Variants in SGIP1 observed in about 807,000 individuals in gnomAD.
SGIP1 encodes the protein SH3GL interacting endocytic adaptor 1.
SGIP1 carries 38 observed loss-of-function variants against 107.5 expected under a neutral mutation model. That is an observed-to-expected ratio of 0.35 (90% confidence interval 0.27 to 0.46). SGIP1 has a LOEUF of 0.46. SGIP1 is among the 20% of genes least tolerant of loss of function. The pLI is 1.00. For synonymous variants in SGIP1, 365 were observed against 366.1 expected (o/e 1.00, Z 0.03); for missense variants, 929 against 1,019.5 (o/e 0.91, Z 1.21).
At chr1:66,663,156 T>C (rs2081884084) in intron 8 of SGIP1, among the ~76,000 whole-genome samples, 1 of 152,110 alleles carries the variant, frequency 6.6e-6, no homozygotes, top group Non-Finnish European at 1.5e-5. Context: ...TGGGGTGCAC[T>C]GAACAGTGGC....
intron 17 of SGIP1, among the ~76,000 whole-genome samples, chr1:66,693,284 A>AAATAAATAAATG (rs1479297873): frequency 0.013 from 1,952 of 151,374 alleles, 37 homozygotes; most frequent in African/African-American, 0.044. Flanking sequence ...ATAAATAAAT[A>AAATAAATAAATG]AAAAACAGTA....
chr1:66,688,575 A>G (rs1186077953), intron 15 of SGIP1, among the ~76,000 whole-genome samples: 1 of 152,266 alleles, frequency 6.6e-6, no homozygotes, highest in African/African-American at 2.4e-5. Context: ...GTATTCATGC[A>G]ACATCTAATC....
chr1:66,707,191 G>A (rs900001201), intron 18 of SGIP1, among the ~76,000 whole-genome samples: 6 of 151,984 alleles, frequency 3.9e-5, no homozygotes, highest in African/African-American at 1.2e-4. Context: ...ACAACTTTTT[G>A]GGCACGAAAT....
At chr1:66,642,169 C>G (rs146845271) in intron 5 of SGIP1, among the ~76,000 whole-genome samples, 1 of 152,152 alleles carries the variant, frequency 6.6e-6, no homozygotes, top group Non-Finnish European at 1.5e-5. Flanking sequence ...TGTTGGCCTC[C>G]GTAGTCTCAT....
chr1:66,660,361 A>G (rs1480475396), intron 7 of SGIP1, 152 bp from the exon 8 acceptor site: 2 of 710,114 alleles, frequency 2.8e-6, no homozygotes, highest in East Asian at 2.7e-5. Context: ...GAATGACCAT[A>G]TCAGACCCCC....
chr1:66,725,964 A>C (rs1225345082), intron 19 of SGIP1, among the ~76,000 whole-genome samples: 1 of 152,238 alleles, frequency 6.6e-6, no homozygotes, highest in African/African-American at 2.4e-5. Context: ...ATCCATCTGC[A>C]TTGCAAGATC....
At chr1:66,614,596 A>G (rs1308034914) in intron 1 of SGIP1, among the ~76,000 whole-genome samples, 1 of 152,074 alleles carries the variant, frequency 6.6e-6, no homozygotes, top group Non-Finnish European at 1.5e-5. Flanking sequence ...AAATAATTTC[A>G]TATTTACATA....
At chr1:66,674,143 G>C (rs185344884) in intron 12 of SGIP1, among the ~76,000 whole-genome samples, 1,785 of 152,040 alleles carry the variant, frequency 0.012, 37 homozygotes, top group African/African-American at 0.041. Flanking sequence ...ACTCCAGCCC[G>C]AGCAGCACAG....
At chr1:66,564,194 A>T (rs1367833715) in intron 1 of SGIP1, among the ~76,000 whole-genome samples, 1 of 152,018 alleles carries the variant, frequency 6.6e-6, no homozygotes, top group Non-Finnish European at 1.5e-5. Context: ...AAACTAGTTC[A>T]GCTGACTCAC....
chr1:66,624,351 G>A (rs11208930), intron 1 of SGIP1, among the ~76,000 whole-genome samples: 35,748 of 152,112 alleles, frequency 0.24, 4,943 homozygotes, highest in African/African-American at 0.38. Context: ...AATAAAAGGG[G>A]AGAAGGTGTT....
intron 8 of SGIP1, among the ~76,000 whole-genome samples, chr1:66,662,091 C>T (rs2081608710): frequency 6.6e-6 from 1 of 152,138 alleles, no homozygotes; most frequent in Non-Finnish European, 1.5e-5. Flanking sequence ...TAAACACCTA[C>T]AATAGTGTGG....
At chr1:66,618,848 T>C (rs1196657346) in intron 1 of SGIP1, among the ~76,000 whole-genome samples, 2 of 152,196 alleles carry the variant, frequency 1.3e-5, no homozygotes, top group African/African-American at 4.8e-5. Flanking sequence ...ACGGTACCTC[T>C]TAGACTCTCT....
chr1:66,740,566 T>A (rs2094417199), intron 22 of SGIP1, 92 bp from the exon 23 acceptor site: 1 of 777,768 alleles, frequency 1.3e-6, no homozygotes, highest in Non-Finnish European at 2.1e-6. Context: ...AGCTCTATTT[T>A]AAAAAATTAA....
chr1:66,715,077 A>ATC (rs1330953473), intron 18 of SGIP1, among the ~76,000 whole-genome samples: 1 of 152,142 alleles, frequency 6.6e-6, no homozygotes, highest in Non-Finnish European at 1.5e-5. Context: ...TGATTTGGTC[A>ATC]TTCTACTTTG....
At chr1:66,563,459 T>C (rs927451423) in intron 1 of SGIP1, among the ~76,000 whole-genome samples, 1 of 151,754 alleles carries the variant, frequency 6.6e-6, no homozygotes, top group Non-Finnish European at 1.5e-5. Flanking sequence ...TCCACCAAGG[T>C]GAAGGGGAAG....
At chr1:66,575,672 T>C (rs2060964136) in intron 1 of SGIP1, among the ~76,000 whole-genome samples, 1 of 152,176 alleles carries the variant, frequency 6.6e-6, no homozygotes, top group African/African-American at 2.4e-5. Context: ...CCTCTTTACT[T>C]CTAACGCTGT....
intron 8 of SGIP1, among the ~76,000 whole-genome samples, chr1:66,663,290 A>G (rs554816944): frequency 1.4e-4 from 21 of 152,154 alleles, no homozygotes; most frequent in Non-Finnish European, 2.2e-4. Context: ...CTCTCAGCTT[A>G]TAGAATATAT....
intron 1 of SGIP1, among the ~76,000 whole-genome samples, chr1:66,608,791 C>T (rs188666045): frequency 6.6e-6 from 1 of 152,282 alleles, no homozygotes; most frequent in East Asian, 1.9e-4. Flanking sequence ...GTGTGAGGGT[C>T]TCTTCAGTGT....
intron 1 of SGIP1, among the ~76,000 whole-genome samples, chr1:66,616,363 G>T (rs897924097): frequency 6.6e-6 from 1 of 152,090 alleles, no homozygotes; most frequent in African/African-American, 2.4e-5. Context: ...TAAAAGAGCT[G>T]ATTTCTGGTT....
Sources: gnomAD v4.1 joint callset for allele counts (sites outside exome capture counted in the v4.1 genomes callset) on GRCh38, gnomAD v4.1.1 for gene constraint, MANE v1.5 for transcripts, NCBI Gene and HGNC (gene_info 2026-07-23, HGNC 2026-07-21) for gene names.